The following RUFY4 variants were observed in gnomAD, a reference collection of about 807,000 sequenced individuals.
RUFY4 encodes RUN and FYVE domain containing 4, also known as RUN and FYVE domain-containing protein 4.
A neutral mutation model predicts 69.0 loss-of-function variants in RUFY4; 73 were observed. The ratio of observed to expected loss-of-function variants is 1.06; its 90% CI spans 0.88 to 1.29. The LOEUF is 1.29. Ranked by LOEUF, RUFY4 falls within the 50% of genes most tolerant of loss-of-function variation. The pLI, the probability that RUFY4 is intolerant of heterozygous loss-of-function variation, is 0.00. For synonymous variants in RUFY4, 287 were observed against 271.8 expected (o/e 1.06, Z -0.55); for missense variants, 770 against 705.6 (o/e 1.09, Z -1.03).
intron 2 of RUFY4, among the ~76,000 whole-genome samples, chr2:218,049,253 C>T (rs1255852763): frequency 2.0e-5 from 3 of 152,150 alleles, no homozygotes; most frequent in African/African-American, 4.8e-5. Flanking sequence ...TTTCCCATGG[C>T]CTGGGGCAGG....
chr2:218,083,154 A>G, exon 9 of RUFY4: 1 of 1,613,728 alleles, frequency 6.2e-7, no homozygotes, highest in Non-Finnish European at 8.5e-7. Flanking sequence ...CTGGAGCAGA[A>G]GCAACAGGAG....
At chr2:218,070,702 G>A (rs767442304) in intron 1 of RUFY4, 51 bp downstream of exon 3, 299 of 1,535,708 alleles carry the variant, frequency 1.9e-4, no homozygotes, top group Middle Eastern at 1.2e-3. Flanking sequence ...GAGAAGTCAG[G>A]GTCTGGGAGC....
exon 10 of RUFY4, chr2:218,089,341 T>C (rs1689974542): frequency 6.2e-7 from 1 of 1,613,832 alleles, no homozygotes; most frequent in Non-Finnish European, 8.5e-7. Context: ...TTTGGCCGAT[T>C]TTCTCGGCGG....
rs143626955 is a variant in RUFY4 at position 218,080,159 on chromosome 2, C to A, written c.1356-2951C>A. On this transcript the variant is annotated intron_variant, in intron 8 of 10. Coordinates refer to ENST00000344321, the Ensembl canonical transcript of RUFY4. Reference sequence around the variant, plus strand: ...CTGAGCAGAGGAGAGAGCGGCAGAGCCGGAGCCAGGGGCCTCAAAGGCAGA... The same window carrying A: ...CTGAGCAGAGGAGAGAGCGGCAGAGACGGAGCCAGGGGCCTCAAAGGCAGA... 2.6e-4 allele frequency among the ~76,000 whole-genome samples: 40 copies of A among 152,270 alleles called. No individual in the cohort carries two copies. The East Asian group carries it at 7.7e-3, about 29-fold the overall frequency.
intron 2 of RUFY4, among the ~76,000 whole-genome samples, chr2:218,051,085 G>A (rs1180456772): frequency 6.6e-6 from 1 of 152,044 alleles, no homozygotes; most frequent in Non-Finnish European, 1.5e-5. Flanking sequence ...ATATTGCCCA[G>A]TCTGGTCTCA....
At chr2:218,088,719 T>G (rs1689951433) in intron 9 of RUFY4, among the ~76,000 whole-genome samples, 1 of 152,114 alleles carries the variant, frequency 6.6e-6, no homozygotes, top group Admixed American at 6.5e-5. Flanking sequence ...TGCATTCTGA[T>G]CTCTTGCATG....
At chr2:218,079,761 G>C (rs147700244) in intron 8 of RUFY4, among the ~76,000 whole-genome samples, 1 of 152,164 alleles carries the variant, frequency 6.6e-6, no homozygotes, top group Non-Finnish European at 1.5e-5. Flanking sequence ...TCAACACAGA[G>C]AATAGAAGTG....
chr2:218,072,234 A>C, intron 2 of RUFY4, 140 bp from the exon 5 acceptor site: 4 of 990,086 alleles, frequency 4.0e-6, no homozygotes, highest in Non-Finnish European at 5.8e-6. Context: ...CACAGCCAGT[A>C]AGGACAGGGC....
At chr2:218,072,550 GCCT>G (rs1404636149) in intron 3 of RUFY4, 51 bp downstream of exon 5, 44 of 1,528,044 alleles carry the variant, frequency 2.9e-5, no homozygotes, top group Non-Finnish European at 3.7e-5. Context: ...GTAGACATAG[GCCT>G]CCTCCTTTTC....
chr2:218,070,715 C>A (rs889347819), intron 1 of RUFY4, 38 bp from the exon 4 acceptor site: 1 of 1,535,150 alleles, frequency 6.5e-7, no homozygotes, highest in Non-Finnish European at 8.7e-7. Flanking sequence ...CTGGGAGCCC[C>A]TCCCTCAGCG....
chr2:218,081,332 T>C (rs1423749470), intron 8 of RUFY4, among the ~76,000 whole-genome samples: 1 of 152,198 alleles, frequency 6.6e-6, no homozygotes, highest in Non-Finnish European at 1.5e-5. Flanking sequence ...GACCTTTACA[T>C]GTGCCCATGC....
chr2:218,075,961 G>A (rs1020915230), intron 7 of RUFY4, among the ~76,000 whole-genome samples: 6 of 151,832 alleles, frequency 4.0e-5, no homozygotes, highest in Admixed American at 1.3e-4. Flanking sequence ...CACTTTATTC[G>A]GCAATACTTC....
rs35134006 is a variant in RUFY4 at position 218,053,346 on chromosome 2, C to CTT, written c.-1157-5233_-1157-5232dup. Among the ~76,000 whole-genome samples, 76 of 135,194 alleles carry CTT rather than the reference C, an allele frequency of 5.6e-4. 1 individual carries two copies. The highest frequency in any genetic ancestry group is 1.9e-3 in the African/African-American group (68 of 36,724). 88.7% of individuals were successfully genotyped at this position (135,194 alleles called of 152,430 possible). ...GTCAAATAACGAAATGATATTAAACCTTTTTTTTTTTTTTTTTGAAACAGG... is the reference window on the plus strand; with the variant it reads ...GTCAAATAACGAAATGATATTAAACCTTTTTTTTTTTTTTTTTTTGAAACAGG... On this transcript the variant is annotated intron_variant and NMD_transcript_variant, in intron 2 of 13. Transcript: ENST00000457754.
exon 3 of RUFY4, chr2:218,072,426 A>G (rs2106050112): frequency 1.3e-6 from 2 of 1,537,406 alleles, no homozygotes; most frequent in Admixed American, 2.0e-5. Context: ...GATTACTGGG[A>G]CTTTCTCTGC....
chr2:218,089,429 C>A, intron 10 of RUFY4, 67 bp downstream of exon 12: 2 of 1,379,520 alleles, frequency 1.4e-6, no homozygotes, highest in Non-Finnish European at 2.0e-6. Flanking sequence ...CAGCCCCCAC[C>A]CACCCCAGGG....
chr2:218,042,838 GATA>G (rs1688733484), intron 2 of RUFY4, among the ~76,000 whole-genome samples: 1 of 152,132 alleles, frequency 6.6e-6, no homozygotes, highest in Non-Finnish European at 1.5e-5. Context: ...ACCAGAATTT[GATA>G]ATGAGTGTGT....
chr2:218,090,014 G>T (rs1689994866), exon 11 of RUFY4: 2 of 1,563,474 alleles, frequency 1.3e-6, no homozygotes, highest in East Asian at 4.8e-5. Flanking sequence ...GACCGCTGCT[G>T]CCCACCCTGC....
At chr2:218,060,222 AC>A in intron 3 of RUFY4, 1 of 981,330 alleles carries the variant, frequency 1.0e-6, no homozygotes, top group Non-Finnish European at 1.5e-6. Context: ...GCTTCCTGCG[AC>A]CACAGTGGGG....
chr2:218,089,589 G>A, intron 10 of RUFY4: 3 of 672,526 alleles, frequency 4.5e-6, no homozygotes, highest in Non-Finnish European at 8.1e-6. Flanking sequence ...AGTGGGATTG[G>A]GTCCCCCTCC....
Sources: allele counts gnomAD v4.1 joint callset (sites outside exome capture counted in the v4.1 genomes callset), GRCh38; gene constraint gnomAD v4.1.1; transcripts MANE v1.5; gene names NCBI Gene and HGNC (gene_info 2026-07-23, HGNC 2026-07-21).